The following FGF14 variants were observed in gnomAD, a reference collection of about 807,000 sequenced individuals.
The protein encoded by FGF14 is fibroblast growth factor homologous factor 4.
Under a neutral mutation model 25.5 loss-of-function variants are expected in FGF14, and 5 were observed. The ratio of observed to expected loss-of-function variants is 0.20; its 90% CI spans 0.10 to 0.41. The LOEUF is 0.41. Ranked by LOEUF, FGF14 falls within the 10% of genes least tolerant of loss-of-function variation. The probability of loss-of-function intolerance (pLI) is 1.00; values close to 1 mark genes in which losing one functional copy is unlikely to be tolerated. For synonymous variants in FGF14, 138 were observed against 118.3 expected (o/e 1.17, Z -1.08); for missense variants, 222 against 320.1 (o/e 0.69, Z 2.34).
intron 1 of FGF14, among the ~76,000 whole-genome samples, chr13:102,200,912 C>A (rs1362611545): frequency 2.0e-5 from 3 of 151,766 alleles, no homozygotes; most frequent in Non-Finnish European, 4.4e-5. Context: ...ACCATCTTGG[C>A]TAACATGGTG....
chr13:102,281,920 C>T (rs535663899), intron 1 of FGF14, among the ~76,000 whole-genome samples: 51 of 152,248 alleles, frequency 3.3e-4, no homozygotes, highest in African/African-American at 1.2e-3. Context: ...CTCTACTAGG[C>T]ACCTCTCACA....
intron 1 of FGF14, among the ~76,000 whole-genome samples, chr13:101,930,181 T>C (rs2034653810): frequency 6.6e-6 from 1 of 152,186 alleles, no homozygotes; most frequent in Non-Finnish European, 1.5e-5. Context: ...AATAAGACAC[T>C]TGAAAAAACA....
At chr13:101,875,788 C>T (rs952423719) in intron 1 of FGF14, among the ~76,000 whole-genome samples, 2 of 152,076 alleles carry the variant, frequency 1.3e-5, no homozygotes, top group Non-Finnish European at 2.9e-5. Flanking sequence ...TTCATACTAA[C>T]ATATGATACA....
intron 1 of FGF14, among the ~76,000 whole-genome samples, chr13:102,275,242 C>CTT (rs2053463170): frequency 3.1e-5 from 3 of 96,294 alleles, no homozygotes; most frequent in African/African-American, 1.3e-4. Context: ...ATTTCTCTCT[C>CTT]TCTCTCTCTC....
At chr13:101,776,852 C>A (rs932850042) in intron 3 of FGF14, among the ~76,000 whole-genome samples, 9 of 152,172 alleles carry the variant, frequency 5.9e-5, no homozygotes, top group Non-Finnish European at 1.3e-4. Context: ...AAGTTCAAGG[C>A]CCTGGCAAAT....
At chr13:101,770,777 G>T (rs916815377) in intron 3 of FGF14, among the ~76,000 whole-genome samples, 1 of 152,028 alleles carries the variant, frequency 6.6e-6, no homozygotes, top group East Asian at 1.9e-4. Flanking sequence ...CAAATGGACA[G>T]AACACACTGC....
At chr13:102,010,082 T>C (rs61966487) in intron 1 of FGF14, among the ~76,000 whole-genome samples, 13,203 of 152,198 alleles carry the variant, frequency 0.087, 806 homozygotes, top group African/African-American at 0.16. Context: ...GAAAAGAAGA[T>C]GGTACTGCTG....
rs539327827 is a variant in FGF14 at position 101,916,341 on chromosome 13, C to T, written c.193+112G>A. ...CACCCAGAGTGCTCAGAAGGGAGGC[C>T]GGGGCCGGGGTGGGCCGGGAAAACC... On this transcript the variant is annotated intron_variant, in intron 1 of 4. Coordinates refer to ENST00000376143, the MANE Select transcript of FGF14 (RefSeq NM_004115.4). 1.1e-4 allele frequency: 151 copies of T among 1,338,036 alleles called. 1 individual carries two copies. In the East Asian group the frequency reaches 3.6e-3, roughly 32 times the overall value. The allele number at this position is 1,338,036 out of a possible 1,614,324, so 82.9% of individuals were successfully genotyped here.
intron 1 of FGF14, among the ~76,000 whole-genome samples, chr13:102,348,381 G>T (rs985305328): frequency 5.9e-5 from 9 of 152,036 alleles, no homozygotes; most frequent in African/African-American, 2.2e-4. Flanking sequence ...TTGAAGCAAA[G>T]AAAAAACAGA....
intron 1 of FGF14, among the ~76,000 whole-genome samples, chr13:102,343,100 T>C (rs1381229777): frequency 1.3e-5 from 2 of 152,110 alleles, no homozygotes; most frequent in African/African-American, 4.8e-5. Context: ...TATCAGTGAA[T>C]CTATTTATAA....
intron 1 of FGF14, among the ~76,000 whole-genome samples, chr13:102,034,455 C>T (rs1566599816): frequency 6.6e-6 from 1 of 152,114 alleles, no homozygotes; most frequent in Non-Finnish European, 1.5e-5. Flanking sequence ...TCGCTGCCAT[C>T]TAAACATTCT....
intron 1 of FGF14, among the ~76,000 whole-genome samples, chr13:102,222,439 C>G (rs1268981908): frequency 6.6e-6 from 1 of 152,114 alleles, no homozygotes; most frequent in Non-Finnish European, 1.5e-5. Flanking sequence ...TGCACTGCAG[C>G]CTTATATCAA....
chr13:102,221,623 AACACAC>A lies in FGF14; in HGVS notation c.208+179842_208+179847del, dbSNP rs34205303. On this transcript the variant is annotated intron_variant, in intron 1 of 4. Transcript: ENST00000376131. ...ATGAATGACATCACACAAACACACAAACACACACACACACACACACACAGATTTTAA... is the reference window on the plus strand; with the variant it reads ...ATGAATGACATCACACAAACACACAAACACACACACACACACAGATTTTAA... Among the ~76,000 whole-genome samples the A allele has an allele frequency of 1.7e-3, 257 of 150,106 alleles. 3 individuals carry two copies. The highest frequency in any genetic ancestry group is 5.6e-3 in the African/African-American group (230 of 40,932).
chr13:101,939,945 A>C (rs2035336646), intron 1 of FGF14, among the ~76,000 whole-genome samples: 2 of 152,244 alleles, frequency 1.3e-5, no homozygotes, highest in African/African-American at 2.4e-5. Context: ...TGGAGAAAAC[A>C]ATAAAATTTT....
At chr13:102,219,999 T>C (rs1348125257) in intron 1 of FGF14, among the ~76,000 whole-genome samples, 3 of 152,132 alleles carry the variant, frequency 2.0e-5, no homozygotes, top group South Asian at 4.1e-4. Context: ...AATAATTCCA[T>C]ATAATGTAGT....
At chr13:102,148,960 G>T (rs1031471988) in intron 1 of FGF14, among the ~76,000 whole-genome samples, 1 of 152,130 alleles carries the variant, frequency 6.6e-6, no homozygotes, top group African/African-American at 2.4e-5. Context: ...TGCCGCACAT[G>T]TATACACACA....
chr13:102,270,937 G>T, intron 1 of FGF14, among the ~76,000 whole-genome samples: 1 of 152,150 alleles, frequency 6.6e-6, no homozygotes, highest in East Asian at 1.9e-4. Context: ...CTGAATAAAT[G>T]CATTAAAGTA....
At chr13:102,239,041 C>T (rs1301825419) in intron 1 of FGF14, among the ~76,000 whole-genome samples, 1 of 151,356 alleles carries the variant, frequency 6.6e-6, no homozygotes, top group African/African-American at 2.4e-5. Context: ...CACTTCACTG[C>T]AGCTGAGGAA....
chr13:102,160,626 G>T (rs370475526), intron 1 of FGF14, among the ~76,000 whole-genome samples: 1 of 151,856 alleles, frequency 6.6e-6, no homozygotes, highest in Non-Finnish European at 1.5e-5. Flanking sequence ...CCACTCAGTC[G>T]GCTTTGGGAA....
Sources: allele counts gnomAD v4.1 joint callset (sites outside exome capture counted in the v4.1 genomes callset), GRCh38; gene constraint gnomAD v4.1.1; transcripts MANE v1.5; gene names NCBI Gene and HGNC (gene_info 2026-07-23, HGNC 2026-07-21).